CAP2: variants seen among roughly 807,000 people sequenced by gnomAD.
CAP2 encodes the protein adenylyl cyclase-associated protein 2.
A neutral mutation model predicts 57.7 loss-of-function variants in CAP2; 24 were observed. The ratio of observed to expected loss-of-function variants is 0.42; its 90% confidence interval spans 0.30 to 0.58. The LOEUF (loss-of-function observed/expected upper bound fraction) is 0.58, where lower values mean the gene tolerates loss of function less well. Ranked by LOEUF, CAP2 falls within the 20% of genes least tolerant of loss-of-function variation. The pLI is 0.22. For missense variants in CAP2, 501 were observed against 590.3 expected, an observed-to-expected ratio of 0.85 and a Z score of 1.57; for synonymous variants, 194 against 207.2, an observed-to-expected ratio of 0.94 and a Z score of 0.55.
chr6:17,411,860 A>G (rs1759148868), intron 1 of CAP2, among the ~76,000 whole-genome samples: 1 of 152,054 alleles, frequency 6.6e-6, no homozygotes, highest in South Asian at 2.1e-4. Context: ...CATGGTGTAA[A>G]CAAGCGCAAA....
intron 1 of CAP2, among the ~76,000 whole-genome samples, chr6:17,401,919 A>G (rs1466505232): frequency 6.6e-6 from 1 of 152,196 alleles, no homozygotes; most frequent in Non-Finnish European, 1.5e-5. Flanking sequence ...ACAATTATCA[A>G]TTGAAAGTCT....
intron 1 of CAP2, among the ~76,000 whole-genome samples, chr6:17,412,310 C>A (rs1052322288): frequency 6.6e-6 from 1 of 152,162 alleles, no homozygotes; most frequent in African/African-American, 2.4e-5. Flanking sequence ...ACCTGTGTAG[C>A]CCCAAGCCAG....
chr6:17,466,376 T>A (rs1760865320), intron 4 of CAP2, among the ~76,000 whole-genome samples: 1 of 152,182 alleles, frequency 6.6e-6, no homozygotes, highest in African/African-American at 2.4e-5. Context: ...CAGTAGGTCT[T>A]GGTTGAGTCC....
chr6:17,544,243 G>A (rs571981177), intron 11 of CAP2, among the ~76,000 whole-genome samples: 39 of 152,094 alleles, frequency 2.6e-4, no homozygotes, highest in African/African-American at 8.9e-4. Flanking sequence ...TATGATTTGA[G>A]TGAATCAACT....
At chr6:17,485,158 T>C (rs1239508334) in intron 4 of CAP2, among the ~76,000 whole-genome samples, 1 of 152,172 alleles carries the variant, frequency 6.6e-6, no homozygotes, top group Non-Finnish European at 1.5e-5. Context: ...GTTTTTTTTT[T>C]CTCAGTCCTG....
chr6:17,530,791 T>C, intron 7 of CAP2: 2 of 554,012 alleles, frequency 3.6e-6, no homozygotes, highest in South Asian at 4.2e-5. Context: ...TGTCAGGTGA[T>C]ATTTTTTTCA....
rs534589634 is a variant in CAP2 at position 17,526,509 on chromosome 6, C to T, written c.636+12555C>T. Among the ~76,000 whole-genome samples the T allele has an allele frequency of 2.1e-4, 32 of 152,340 alleles. No homozygotes were observed. In the South Asian group the frequency reaches 3.9e-3, roughly 19 times the overall value. On this transcript the variant is annotated intron_variant, in intron 7 of 12. Coordinates refer to ENST00000229922, the MANE Select transcript of CAP2 (RefSeq NM_006366.3). ...CCATCAACCGCCCACACCTCCTCTGCTCCTGTCCCTTGTCACCCACTGCCT... is the reference window on the plus strand; with the variant it reads ...CCATCAACCGCCCACACCTCCTCTGTTCCTGTCCCTTGTCACCCACTGCCT...
chr6:17,507,149 CG>C lies in CAP2; in HGVS notation c.301-19del, dbSNP rs1329892268. On this transcript the variant is annotated intron_variant, in intron 4 of 12. Coordinates refer to ENST00000229922, the MANE Select transcript of CAP2 (RefSeq NM_006366.3). ...CTGCTCTGTCTGTAGTAAAAGCCCC[CG>C]ATGTTTGACTGCTTACAGAATGACG... 2 of 1,613,890 alleles carry C rather than the reference CG, an allele frequency of 1.2e-6. No homozygotes were observed. The highest frequency in any genetic ancestry group is 2.7e-5 in the African/African-American group (2 of 74,898).
intron 2 of CAP2, among the ~76,000 whole-genome samples, chr6:17,425,091 A>G (rs1759554301): frequency 6.6e-6 from 1 of 152,226 alleles, no homozygotes; most frequent in Non-Finnish European, 1.5e-5. Context: ...ACTTGTTTCC[A>G]TCACCCTTTG....
At chr6:17,545,788 C>T (rs574112783) in intron 11 of CAP2, among the ~76,000 whole-genome samples, 37 of 152,114 alleles carry the variant, frequency 2.4e-4, no homozygotes, top group East Asian at 9.7e-4. Context: ...TGAGAACATG[C>T]GGTGTTTGGT....
chr6:17,455,068 G>A (rs548563957), intron 3 of CAP2, among the ~76,000 whole-genome samples: 2 of 152,144 alleles, frequency 1.3e-5, no homozygotes, highest in Non-Finnish European at 2.9e-5. Flanking sequence ...TCAAGTGATG[G>A]TCCAGAGGTT....
At chr6:17,459,244 A>T (rs1306583266) in intron 3 of CAP2, among the ~76,000 whole-genome samples, 1 of 152,242 alleles carries the variant, frequency 6.6e-6, no homozygotes, top group Admixed American at 6.5e-5. Flanking sequence ...AATTCCCAGA[A>T]GAATGAGCAG....
chr6:17,470,577 T>C (rs1760991351), intron 4 of CAP2, among the ~76,000 whole-genome samples: 1 of 152,196 alleles, frequency 6.6e-6, no homozygotes, highest in Non-Finnish European at 1.5e-5. Flanking sequence ...ACTCCTCTAA[T>C]TCCTCAGCCA....
intron 7 of CAP2, among the ~76,000 whole-genome samples, chr6:17,534,634 G>A (rs1409134191): frequency 6.6e-6 from 1 of 152,136 alleles, no homozygotes; most frequent in East Asian, 1.9e-4. Context: ...CCCCTCTCCT[G>A]TGGGCTCTGC....
At chr6:17,552,576 G>A (rs932017052) in intron 12 of CAP2, among the ~76,000 whole-genome samples, 4 of 152,166 alleles carry the variant, frequency 2.6e-5, no homozygotes, top group African/African-American at 9.7e-5. Context: ...AGGTTGCAGT[G>A]AGCTGAGATT....
chr6:17,450,269 T>C (rs1760369647), intron 3 of CAP2, among the ~76,000 whole-genome samples: 1 of 152,050 alleles, frequency 6.6e-6, no homozygotes, highest in Non-Finnish European at 1.5e-5. Flanking sequence ...GCCAGGATGG[T>C]CTCTATCTCC....
chr6:17,523,098 A>G (rs1238840941), intron 7 of CAP2, among the ~76,000 whole-genome samples: 1 of 152,172 alleles, frequency 6.6e-6, no homozygotes, highest in Non-Finnish European at 1.5e-5. Context: ...CATAAGATAG[A>G]TGGAGAGGGG....
chr6:17,486,269 T>A (rs568392875), intron 4 of CAP2, among the ~76,000 whole-genome samples: 79 of 152,286 alleles, frequency 5.2e-4, no homozygotes, highest in Middle Eastern at 3.4e-3. Context: ...CAGTTGATAA[T>A]TTAAGCTCAA....
intron 4 of CAP2, among the ~76,000 whole-genome samples, chr6:17,476,369 T>C (rs376529300): frequency 6.6e-6 from 1 of 152,214 alleles, no homozygotes; most frequent in African/African-American, 2.4e-5. Flanking sequence ...TTTGACTCTT[T>C]AGAATTTGAA....
Sources: gnomAD v4.1 joint callset for allele counts (sites outside exome capture counted in the v4.1 genomes callset) on GRCh38, gnomAD v4.1.1 for gene constraint, MANE v1.5 for transcripts, NCBI Gene and HGNC (gene_info 2026-07-23, HGNC 2026-07-21) for gene names.